DIAPH3: variants seen among roughly 807,000 people sequenced by gnomAD.
DIAPH3 encodes diaphanous related formin 3, also known as protein diaphanous homolog 3.
A neutral mutation model predicts 144.3 loss-of-function variants in DIAPH3; 117 were observed. The observed-to-expected ratio is 0.81, with a 90% CI of 0.70 to 0.95. DIAPH3 has a LOEUF of 0.95. DIAPH3 is among the 40% of genes least tolerant of loss of function. The pLI is 0.00. For synonymous variants in DIAPH3, 519 were observed against 488.9 expected, an observed-to-expected ratio of 1.06 and a Z score of -0.81; for missense variants, 1,421 against 1,412.7, an observed-to-expected ratio of 1.01 and a Z score of -0.09.
chr13:59,737,105 G>A (rs2036193701), intron 27 of DIAPH3, among the ~76,000 whole-genome samples: 1 of 152,130 alleles, frequency 6.6e-6, no homozygotes, highest in Non-Finnish European at 1.5e-5. Context: ...AAGATTTCAT[G>A]ACGAAGGTGC....
chr13:59,927,428 G>T (rs187641930), intron 17 of DIAPH3, among the ~76,000 whole-genome samples: 1 of 152,006 alleles, frequency 6.6e-6, no homozygotes, highest in Non-Finnish European at 1.5e-5. Context: ...TTGTAGTTTG[G>T]TGGTTTTCTG....
At chr13:60,005,954 T>A (rs1226474194) in intron 9 of DIAPH3, among the ~76,000 whole-genome samples, 6 of 152,320 alleles carry the variant, frequency 3.9e-5, no homozygotes, top group African/African-American at 1.4e-4. Context: ...CCCAAACTTT[T>A]AACTGATAGT....
chr13:59,816,226 T>C (rs892059904), intron 24 of DIAPH3, among the ~76,000 whole-genome samples: 1 of 152,104 alleles, frequency 6.6e-6, no homozygotes, highest in African/African-American at 2.4e-5. Context: ...ATTCCATTTG[T>C]TTGAGATAAT....
intron 25 of DIAPH3, among the ~76,000 whole-genome samples, chr13:59,791,252 G>T (rs1198622500): frequency 6.6e-6 from 1 of 152,142 alleles, no homozygotes; most frequent in African/African-American, 2.4e-5. Context: ...TTACGGGTGT[G>T]AGCCATCATT....
intron 20 of DIAPH3, among the ~76,000 whole-genome samples, chr13:59,881,780 T>A (rs117720828): frequency 1.3e-5 from 2 of 152,160 alleles, no homozygotes; most frequent in African/African-American, 4.8e-5. Flanking sequence ...TCAGGAAATG[T>A]AACCTAAAAA....
At chr13:59,741,828 G>A (rs2036470780) in intron 27 of DIAPH3, among the ~76,000 whole-genome samples, 1 of 152,084 alleles carries the variant, frequency 6.6e-6, no homozygotes, top group African/African-American at 2.4e-5. Context: ...ATGACATAGG[G>A]GGTAAAATAT....
intron 27 of DIAPH3, among the ~76,000 whole-genome samples, chr13:59,688,883 T>C (rs1298678160): frequency 2.6e-5 from 4 of 152,004 alleles, no homozygotes; most frequent in Non-Finnish European, 5.9e-5. Flanking sequence ...ATGAAGACAA[T>C]GAAAAAAACT....
chr13:60,042,631 T>C (rs1269712167), intron 5 of DIAPH3, 59 bp downstream of exon 5: 58 of 1,605,618 alleles, frequency 3.6e-5, no homozygotes, highest in Non-Finnish European at 4.5e-5. Context: ...AAAAAAGTAT[T>C]AAACTAAAAG....
intron 17 of DIAPH3, among the ~76,000 whole-genome samples, chr13:59,965,941 A>T (rs1274323508): frequency 6.6e-6 from 1 of 152,168 alleles, no homozygotes; most frequent in Non-Finnish European, 1.5e-5. Flanking sequence ...ATGAAAGAGG[A>T]GGTATGAGAA....
chr13:59,968,110 A>AT (rs2050160055), intron 17 of DIAPH3, among the ~76,000 whole-genome samples: 1 of 152,116 alleles, frequency 6.6e-6, no homozygotes, highest in Non-Finnish European at 1.5e-5. Flanking sequence ...CAAATACATC[A>AT]TTTTTTTATT....
intron 27 of DIAPH3, among the ~76,000 whole-genome samples, chr13:59,734,416 C>T (rs1313397203): frequency 6.6e-6 from 1 of 152,104 alleles, no homozygotes; most frequent in Non-Finnish European, 1.5e-5. Context: ...TCAATATCAT[C>T]TCATATCAAA....
chr13:59,818,301 A>G (rs921833844), intron 24 of DIAPH3, among the ~76,000 whole-genome samples: 7 of 151,996 alleles, frequency 4.6e-5, no homozygotes, highest in Non-Finnish European at 7.4e-5. Flanking sequence ...GTTTATCTAC[A>G]AATAGTAGAT....
chr13:60,143,182 A>C (rs1363085123), intron 1 of DIAPH3, among the ~76,000 whole-genome samples: 1 of 152,064 alleles, frequency 6.6e-6, no homozygotes, highest in Non-Finnish European at 1.5e-5. Flanking sequence ...TACCTGGCTC[A>C]CCTTTCAAAT....
intron 5 of DIAPH3, among the ~76,000 whole-genome samples, chr13:60,032,075 C>T (rs1472798549): frequency 6.6e-6 from 1 of 152,144 alleles, no homozygotes; most frequent in African/African-American, 2.4e-5. Context: ...ACTCTGTGTC[C>T]CACATCCAGG....
At chr13:60,140,833 T>C (rs960942889) in intron 1 of DIAPH3, among the ~76,000 whole-genome samples, 13 of 63,006 alleles carry the variant, frequency 2.1e-4, no homozygotes, top group Non-Finnish European at 4.0e-4. Context: ...AAACATCTAA[T>C]AAATATGTGC....
intron 17 of DIAPH3, among the ~76,000 whole-genome samples, chr13:59,936,160 G>A (rs2140355281): frequency 6.6e-6 from 1 of 152,076 alleles, no homozygotes; most frequent in East Asian, 1.9e-4. Flanking sequence ...AAAGTATCGG[G>A]AAATACCTTG....
At chr13:60,115,939 C>T (rs2058692579) in intron 2 of DIAPH3, among the ~76,000 whole-genome samples, 1 of 151,980 alleles carries the variant, frequency 6.6e-6, no homozygotes, top group African/African-American at 2.4e-5. Flanking sequence ...ATTCTATATA[C>T]AGTGAAACTA....
intron 27 of DIAPH3, among the ~76,000 whole-genome samples, chr13:59,696,573 C>T (rs1304576048): frequency 1.3e-5 from 2 of 152,188 alleles, no homozygotes; most frequent in Non-Finnish European, 2.9e-5. Context: ...AAATCCATAA[C>T]TGAGCAAAAG....
At chr13:59,909,477 T>TA (rs1455894857) in intron 20 of DIAPH3, among the ~76,000 whole-genome samples, 1 of 152,028 alleles carries the variant, frequency 6.6e-6, no homozygotes, top group Non-Finnish European at 1.5e-5. Flanking sequence ...TGGAAAAAGG[T>TA]AAAATCTAAG....
Sources: allele counts gnomAD v4.1 joint callset (sites outside exome capture counted in the v4.1 genomes callset), GRCh38; gene constraint gnomAD v4.1.1; transcripts MANE v1.5; gene names NCBI Gene and HGNC (gene_info 2026-07-23, HGNC 2026-07-21).